The following CDH8 variants were observed in gnomAD, a reference collection of about 807,000 sequenced individuals.
CDH8 encodes cadherin-8.
CDH8 carries 17 observed loss-of-function variants against 68.1 expected under a neutral mutation model. The observed-to-expected ratio is 0.25, with a 90% CI of 0.17 to 0.37. CDH8 has a LOEUF of 0.37. Ranked by LOEUF, CDH8 falls within the 10% of genes least tolerant of loss-of-function variation. CDH8 has a pLI of 1.00. For synonymous variants in CDH8, 372 were observed against 365.1 expected (o/e 1.02, Z -0.21); for missense variants, 763 against 999.3 (o/e 0.76, Z 3.19).
chr16:61,870,218 T>C (rs759908806), intron 3 of CDH8, among the ~76,000 whole-genome samples: 1 of 152,216 alleles, frequency 6.6e-6, no homozygotes, highest in African/African-American at 2.4e-5. Flanking sequence ...TCATTGTTTA[T>C]ACCAGACAGG....
At chr16:61,879,261 G>A (rs559265136) in intron 3 of CDH8, among the ~76,000 whole-genome samples, 7 of 152,142 alleles carry the variant, frequency 4.6e-5, no homozygotes, top group Non-Finnish European at 1.0e-4. Context: ...CTCTTAAATA[G>A]CAAGGAGAAA....
At position 61,652,718 on chromosome 16, in the gene CDH8, C is replaced by T. The variant is rs1370136564; in HGVS notation, c.*890G>A. On this transcript the variant is annotated 3_prime_UTR_variant, in exon 12 of 12. Coordinates refer to ENST00000577390, the MANE Select transcript of CDH8 (RefSeq NM_001796.5). ...TATATCCCCTTAATCTATAGATTAC[C>T]GACCTTAATAAATAAAAGCATTAAT... 5.5e-6 allele frequency: 7 copies of T among 1,276,102 alleles called. No individual in the cohort carries two copies. The highest frequency in any genetic ancestry group is 2.9e-5 in the South Asian group (1 of 34,276). The allele number at this position is 1,276,102 out of a possible 1,614,324, so 79.0% of individuals were successfully genotyped here. A position where few individuals can be genotyped will look rare whatever the true frequency, so the allele number is the denominator to read the frequency against.
Position 61,713,829 on chromosome 16 carries a change from T to C in CDH8, c.1654+12A>G, listed in dbSNP as rs973563643. 8 of 1,307,788 alleles carry C rather than the reference T, an allele frequency of 6.1e-6. No homozygotes were observed. The highest frequency in any genetic ancestry group is 8.9e-6 in the Non-Finnish European group (8 of 902,304). 81.0% of individuals were successfully genotyped at this position (1,307,788 alleles called of 1,614,324 possible). A position where few individuals can be genotyped will look rare whatever the true frequency, so the allele number is the denominator to read the frequency against. The stretch of plus-strand genomic sequence containing the variant: ...TATATTGTACTCTGTTTCACAAAGC[T>C]AATATATTTACCTTCATTTTTCTTG... On this transcript the variant is annotated intron_variant, in intron 10 of 11. Coordinates refer to ENST00000577390, the MANE Select transcript of CDH8 (RefSeq NM_001796.5).
chr16:61,838,932 T>C (rs1962625647), intron 4 of CDH8, among the ~76,000 whole-genome samples: 1 of 152,086 alleles, frequency 6.6e-6, no homozygotes, highest in South Asian at 2.1e-4. Flanking sequence ...AGGGATTAAA[T>C]CAGGAAATGC....
At chr16:61,768,361 T>TCTCTCTCTCTCTCC (rs1960671289) in intron 8 of CDH8, among the ~76,000 whole-genome samples, 1 of 106,718 alleles carries the variant, frequency 9.4e-6, no homozygotes, top group African/African-American at 4.2e-5. Context: ...TCTCTCTCTC[T>TCTCTCTCTCTCTCC]CTCTCTCCCT....
At chr16:61,977,915 T>A (rs2150580813) in intron 2 of CDH8, among the ~76,000 whole-genome samples, 1 of 152,156 alleles carries the variant, frequency 6.6e-6, no homozygotes. Flanking sequence ...TCAGTACATA[T>A]CCGCTTTAAT....
intron 3 of CDH8, among the ~76,000 whole-genome samples, chr16:61,879,126 G>A (rs988388756): frequency 1.5e-4 from 23 of 152,142 alleles, no homozygotes; most frequent in African/African-American, 5.5e-4. Context: ...TCGAAGGTAG[G>A]CTGACTGCTA....
At chr16:61,920,963 A>T (rs1367134464) in intron 2 of CDH8, among the ~76,000 whole-genome samples, 4 of 148,898 alleles carry the variant, frequency 2.7e-5, no homozygotes, top group South Asian at 2.2e-4. Flanking sequence ...AGGGACATGG[A>T]TGAAATTGGA....
intron 9 of CDH8, 137 bp downstream of exon 9, chr16:61,726,957 G>A: frequency 1.1e-6 from 1 of 901,908 alleles, no homozygotes; most frequent in Non-Finnish European, 1.7e-6. Context: ...TTCCCTCTCT[G>A]TTCCCATTTG....
intron 8 of CDH8, among the ~76,000 whole-genome samples, chr16:61,756,623 G>T (rs996450096): frequency 1.3e-5 from 2 of 152,098 alleles, no homozygotes; most frequent in African/African-American, 4.8e-5. Context: ...AACATAGTGT[G>T]CTATCCCAGC....
At chr16:61,658,585 T>C (rs991208278) in intron 10 of CDH8, among the ~76,000 whole-genome samples, 2 of 152,054 alleles carry the variant, frequency 1.3e-5, no homozygotes, top group African/African-American at 4.8e-5. Context: ...TTATTCTGTT[T>C]CAATAATCTG....
chr16:61,750,424 C>A (rs1960131571), intron 8 of CDH8, among the ~76,000 whole-genome samples: 1 of 152,084 alleles, frequency 6.6e-6, no homozygotes, highest in Admixed American at 6.6e-5. Flanking sequence ...GCATTTCATT[C>A]TGACTAATGT....
At chr16:61,931,065 G>A (rs142080326) in intron 2 of CDH8, among the ~76,000 whole-genome samples, 139 of 152,314 alleles carry the variant, frequency 9.1e-4, no homozygotes, top group African/African-American at 3.3e-3. Flanking sequence ...CATTTTCTGT[G>A]TATTTGATTA....
chr16:61,909,822 C>T (rs1273226720), intron 2 of CDH8, among the ~76,000 whole-genome samples: 2 of 151,948 alleles, frequency 1.3e-5, no homozygotes, highest in African/African-American at 4.8e-5. Context: ...GGCAGTATAC[C>T]CAAAAACTCA....
intron 3 of CDH8, among the ~76,000 whole-genome samples, chr16:61,893,999 A>G (rs1963826460): frequency 6.6e-6 from 1 of 152,150 alleles, no homozygotes; most frequent in African/African-American, 2.4e-5. Flanking sequence ...TTTTGGGTTA[A>G]TAGTTTCATG....
chr16:61,779,727 A>G lies in CDH8; in HGVS notation c.1414+9619T>C, dbSNP rs140576231. ...TTAGGATTCTGGTTTTAAAAGTTCC[A>G]AAGTTCTGCTATGTTTATTAGGCAA... On this transcript the variant is annotated intron_variant, in intron 8 of 11. Transcript: ENST00000577390. Among the ~76,000 whole-genome samples the G allele has an allele frequency of 4.4e-3, 673 of 152,284 alleles. 2 individuals are homozygous for G. Among genetic ancestry groups the G allele is most frequent in the Non-Finnish European group, 7.4e-3 (503 of 68,016 alleles).
intron 2 of CDH8, among the ~76,000 whole-genome samples, chr16:61,953,899 A>G (rs1597087013): frequency 1.6e-5 from 1 of 62,060 alleles, no homozygotes; most frequent in East Asian, 3.0e-4. Context: ...AAAACTTTAT[A>G]TATATATATA....
At chr16:61,986,594 G>A (rs570885241) in intron 2 of CDH8, among the ~76,000 whole-genome samples, 8 of 152,306 alleles carry the variant, frequency 5.3e-5, no homozygotes, top group Admixed American at 2.6e-4. Flanking sequence ...TGAGAACTAA[G>A]TCTGAGCAAG....
chr16:61,667,689 T>C (rs1444822839), intron 10 of CDH8: 2 of 152,006 alleles, frequency 1.3e-5, no homozygotes, highest in Non-Finnish European at 2.9e-5. Flanking sequence ...TAAGCATCTG[T>C]TGTTTTACAC....
Sources: gnomAD v4.1 joint callset for allele counts (sites outside exome capture counted in the v4.1 genomes callset) on GRCh38, gnomAD v4.1.1 for gene constraint, MANE v1.5 for transcripts, NCBI Gene and HGNC (gene_info 2026-07-23, HGNC 2026-07-21) for gene names.